The following KIRREL3 variants were observed in gnomAD, a reference collection of about 807,000 sequenced individuals.
KIRREL3 encodes kin of IRRE-like protein 3.
Under a neutral mutation model 89.7 loss-of-function variants are expected in KIRREL3, and 36 were observed. That is an observed-to-expected ratio of 0.40 (90% CI 0.31 to 0.53). The LOEUF (loss-of-function observed/expected upper bound fraction) is 0.53. Ranked by LOEUF, KIRREL3 falls within the 20% of genes least tolerant of loss-of-function variation. The probability of loss-of-function intolerance (pLI) is 0.49; values close to 1 mark genes in which losing one functional copy is unlikely to be tolerated. For missense variants in KIRREL3, 864 were observed against 1,056.6 expected, an observed-to-expected ratio of 0.82 and a Z score of 2.53; for synonymous variants, 445 against 441.4, an observed-to-expected ratio of 1.01 and a Z score of -0.10.
chr11:126,864,051 C>T (rs941299953), intron 1 of KIRREL3, among the ~76,000 whole-genome samples: 9 of 152,328 alleles, frequency 5.9e-5, no homozygotes, highest in African/African-American at 2.2e-4. Flanking sequence ...CCTCCCCAAC[C>T]GGGCATCCTC....
At chr11:126,827,103 A>G (rs12284520) in intron 1 of KIRREL3, among the ~76,000 whole-genome samples, 131,274 of 152,058 alleles carry the variant, frequency 0.86, 57,020 homozygotes, top group East Asian at 1. Context: ...GATAAGCTAT[A>G]GAGAGGAACA....
intron 9 of KIRREL3, among the ~76,000 whole-genome samples, chr11:126,445,708 T>C (rs1204547558): frequency 6.6e-6 from 1 of 152,226 alleles, no homozygotes; most frequent in African/African-American, 2.4e-5. Flanking sequence ...GCTGCTAGGA[T>C]AATGCAGCGT....
chr11:126,633,427 G>T (rs1015184557), intron 1 of KIRREL3, among the ~76,000 whole-genome samples: 1 of 152,166 alleles, frequency 6.6e-6, no homozygotes, highest in Non-Finnish European at 1.5e-5. Flanking sequence ...TGGGTTGTGG[G>T]GGTGGATCTG....
intron 1 of KIRREL3, among the ~76,000 whole-genome samples, chr11:126,730,038 T>A (rs1948550606): frequency 6.6e-6 from 1 of 152,142 alleles, no homozygotes; most frequent in Non-Finnish European, 1.5e-5. Context: ...TCCCTCTCAG[T>A]CCCCGTCCTG....
intron 10 of KIRREL3, among the ~76,000 whole-genome samples, chr11:126,442,417 A>C (rs1403295510): frequency 6.6e-6 from 1 of 151,976 alleles, no homozygotes; most frequent in Non-Finnish European, 1.5e-5. Context: ...TGATTCTAAA[A>C]GCCATCATCA....
Position 126,602,738 on chromosome 11 carries a change from G to T in KIRREL3, c.56-39826C>A, listed in dbSNP as rs533180995. Reference sequence around the variant, plus strand: ...ATTTATGATACTTACTGAGACCTTGGCACCACGGCCTTGATAAACCCCTCT... The same window carrying T: ...ATTTATGATACTTACTGAGACCTTGTCACCACGGCCTTGATAAACCCCTCT... On this transcript the variant is annotated intron_variant, in intron 1 of 16. Coordinates refer to ENST00000525144, the MANE Select transcript of KIRREL3 (RefSeq NM_032531.4). Among the ~76,000 whole-genome samples, 94 of 152,306 alleles carry T rather than the reference G, an allele frequency of 6.2e-4. No homozygotes were observed. In the South Asian group the frequency reaches 7.9e-3, roughly 13 times the overall value.
At chr11:126,581,351 C>T (rs562939769) in intron 1 of KIRREL3, among the ~76,000 whole-genome samples, 2 of 152,044 alleles carry the variant, frequency 1.3e-5, no homozygotes, top group South Asian at 2.1e-4. Flanking sequence ...TACAGGCACC[C>T]GCCATCATGC....
At chr11:126,972,773 C>T (rs1949463198) in intron 1 of KIRREL3, among the ~76,000 whole-genome samples, 1 of 152,166 alleles carries the variant, frequency 6.6e-6, no homozygotes, top group South Asian at 2.1e-4. Context: ...CACACCTTCT[C>T]TTCCTTCCCT....
At chr11:126,577,324 G>A (rs1565565417) in intron 1 of KIRREL3, among the ~76,000 whole-genome samples, 2 of 152,018 alleles carry the variant, frequency 1.3e-5, no homozygotes, top group Non-Finnish European at 2.9e-5. Flanking sequence ...CAGGTCGATG[G>A]GTGGGGGCAG....
At position 126,489,898 on chromosome 11, in the gene KIRREL3, C is replaced by T. The variant is rs193290313; in HGVS notation, c.434-16432G>A. Among the ~76,000 whole-genome samples the T allele has an allele frequency of 1.5e-3, 225 of 152,124 alleles. 1 individual carries two copies. Among genetic ancestry groups the T allele is most frequent in the Non-Finnish European group, 2.6e-3 (176 of 67,986 alleles). On this transcript the variant is annotated intron_variant, in intron 4 of 16. Coordinates refer to ENST00000525144, the MANE Select transcript of KIRREL3 (RefSeq NM_032531.4). The surrounding 1 kb of genome is among the most constrained non-coding windows in gnomAD (Gnocchi z 5.5). Reference sequence around the variant, plus strand: ...TGCAGTGGGTGCGCTGGGATCAGTCCGGGTTAAAATACGTGGGTCTCAGCT... The same window carrying T: ...TGCAGTGGGTGCGCTGGGATCAGTCTGGGTTAAAATACGTGGGTCTCAGCT...
rs1350832101 is a variant in KIRREL3 at position 126,526,897 on chromosome 11, C to A, written c.134-210G>T. Reference sequence around the variant, plus strand: ...ATGGGGGCCTGGCTCCCAGCTCCAGCCCCTCTGCCCATCAGTCCCTAACAC... The same window carrying A: ...ATGGGGGCCTGGCTCCCAGCTCCAGACCCTCTGCCCATCAGTCCCTAACAC... On this transcript the variant is annotated intron_variant, in intron 2 of 16. Transcript: ENST00000525144. This position sits in a 1 kb window ranked among gnomAD's most constrained non-coding sequence, Gnocchi z 5.7. Among the ~76,000 whole-genome samples, 4 of 152,210 alleles carry A rather than the reference C, an allele frequency of 2.6e-5. No homozygotes were observed. Among genetic ancestry groups the A allele is most frequent in the African/African-American group, 9.6e-5 (4 of 41,466 alleles).
At chr11:126,820,913 T>C (rs778579193) in intron 1 of KIRREL3, among the ~76,000 whole-genome samples, 14 of 152,156 alleles carry the variant, frequency 9.2e-5, no homozygotes, top group Non-Finnish European at 1.8e-4. Context: ...CTAAAGGTTT[T>C]ATATCTCAAG....
chr11:126,934,372 T>C (rs1028424104), intron 1 of KIRREL3, among the ~76,000 whole-genome samples: 1 of 152,114 alleles, frequency 6.6e-6, no homozygotes, highest in Admixed American at 6.6e-5. Context: ...AAAGAAAATA[T>C]AGTAGAAAAC....
rs1266566488 is a variant in KIRREL3 at position 126,764,776 on chromosome 11, G to A, written c.56-201864C>T. Among the ~76,000 whole-genome samples the A allele has an allele frequency of 2.0e-5, 3 of 152,092 alleles. No homozygotes were observed. The highest frequency in any genetic ancestry group is 4.4e-5 in the Non-Finnish European group (3 of 68,018). ...TAGGGCCTGTGCTGTAAGCCTCCGG[G>A]GCCATATAAACGCGGCTATTTTCAC... On this transcript the variant is annotated intron_variant, in intron 1 of 16. Coordinates refer to ENST00000525144, the MANE Select transcript of KIRREL3 (RefSeq NM_032531.4). The surrounding 1 kb of genome is among the most constrained non-coding windows in gnomAD (Gnocchi z 4.2).
rs1945833122 is a variant in KIRREL3, at chr11:126,669,396, C to A, written c.56-106484G>T. ...GGATCATGTCCTCTAGAAAACTTTT[C>A]CCTATTTAATCCCATGTATTTTTAA... On this transcript the variant is annotated intron_variant, in intron 1 of 16. Transcript: ENST00000525144. The surrounding 1 kb of genome is among the most constrained non-coding windows in gnomAD (Gnocchi z 5.0). Among the ~76,000 whole-genome samples the A allele has an allele frequency of 6.6e-6, 1 of 152,226 alleles. No individual in the cohort carries two copies. The highest frequency in any genetic ancestry group is 2.1e-4 in the South Asian group (1 of 4,832).
At position 126,752,500 on chromosome 11, in the gene KIRREL3, G is replaced by A. The variant is rs114577565; in HGVS notation, c.56-189588C>T. On this transcript the variant is annotated intron_variant, in intron 1 of 16. Transcript: ENST00000525144. The surrounding 1 kb of genome is among the most constrained non-coding windows in gnomAD (Gnocchi z 4.8). ...TGCATAATAGCATTATTCTTACAGC[G>A]GAATAAGACCACTGAGTGTTGTTCT... Among the ~76,000 whole-genome samples, 1,153 of 152,168 alleles carry A rather than the reference G, an allele frequency of 7.6e-3. 12 individuals carry two copies. Among genetic ancestry groups the A allele is most frequent in the African/African-American group, 0.026 (1,065 of 41,500 alleles).
In KIRREL3 at chr11:126,471,577, C is replaced by T; in HGVS notation, c.591+1732G>A. 6.6e-6 allele frequency among the ~76,000 whole-genome samples: 1 copy of T among 151,856 alleles called. No homozygotes were observed. The highest frequency in any genetic ancestry group is 1.5e-5 in the Non-Finnish European group (1 of 67,944). On this transcript the variant is annotated intron_variant, in intron 5 of 16. Transcript: ENST00000525144. The surrounding 1 kb of genome is among the most constrained non-coding windows in gnomAD (Gnocchi z 5.4). ...GAATGGTGAGGTAGGGTTGGTGGCT[C>T]AGCAGGTTTAGGATTGGATAGCTTG...
chr11:126,677,561 G>A lies in KIRREL3; in HGVS notation c.56-114649C>T, dbSNP rs1289166021. Among the ~76,000 whole-genome samples the A allele has an allele frequency of 6.6e-6, 1 of 152,210 alleles. No individual in the cohort carries two copies. The highest frequency in any genetic ancestry group is 2.4e-5 in the African/African-American group (1 of 41,462). ...TTGTCAGAGGCCCCAGGGACAGTCAGTGGAAGCACGCTGAACAGGGAGGGG... is the reference window on the plus strand; with the variant it reads ...TTGTCAGAGGCCCCAGGGACAGTCAATGGAAGCACGCTGAACAGGGAGGGG... On this transcript the variant is annotated intron_variant, in intron 1 of 16. Coordinates refer to ENST00000525144, the MANE Select transcript of KIRREL3 (RefSeq NM_032531.4). The surrounding 1 kb of genome is among the most constrained non-coding windows in gnomAD (Gnocchi z 5.1).
rs907956119 is a variant in KIRREL3 at position 126,519,080 on chromosome 11, C to T, written c.433+2235G>A. 6.6e-6 allele frequency among the ~76,000 whole-genome samples: 1 copy of T among 152,236 alleles called. No individual in the cohort carries two copies. The highest frequency in any genetic ancestry group is 6.5e-5 in the Admixed American group (1 of 15,280). On this transcript the variant is annotated intron_variant, in intron 4 of 16. Transcript: ENST00000525144. This position sits in a 1 kb window ranked among gnomAD's most constrained non-coding sequence, Gnocchi z 4.3. ...TGGGGATCATGGAAACTTCCTCTGCCCTCCTTCCGCTGATCTCCAGACTTG... is the reference window on the plus strand; with the variant it reads ...TGGGGATCATGGAAACTTCCTCTGCTCTCCTTCCGCTGATCTCCAGACTTG...
Sources: allele counts gnomAD v4.1 joint callset (sites outside exome capture counted in the v4.1 genomes callset), GRCh38; gene constraint gnomAD v4.1.1; non-coding constraint Gnocchi (gnomAD v3.1); transcripts MANE v1.5; gene names NCBI Gene and HGNC (gene_info 2026-07-23, HGNC 2026-07-21).